The following RAF1 variants were observed in gnomAD, a reference collection of about 807,000 sequenced individuals.
RAF1 encodes the protein RAF proto-oncogene serine/threonine-protein kinase.
RAF1 carries 27 observed loss-of-function variants against 81.1 expected under a neutral mutation model. The observed-to-expected ratio is 0.33, with a 90% CI of 0.25 to 0.46. RAF1 has a LOEUF of 0.46. Ranked by LOEUF, RAF1 falls within the 20% of genes least tolerant of loss-of-function variation. The probability of loss-of-function intolerance (pLI) is 1.00; values close to 1 mark genes in which losing one functional copy is unlikely to be tolerated. For synonymous variants in RAF1, 298 were observed against 294.0 expected (o/e 1.01, Z -0.14); for missense variants, 598 against 826.0 (o/e 0.72, Z 3.38).
At position 12,584,243 on chromosome 3, in the gene RAF1, C is replaced by G. The variant is rs2058242125; in HGVS notation, c.*271G>C. The G allele has an allele frequency of 3.9e-6, 2 of 510,072 alleles. No homozygotes were observed. Among genetic ancestry groups the G allele is most frequent in the Non-Finnish European group, 7.1e-6 (2 of 279,828 alleles). The allele number at this position is 510,072 out of a possible 1,614,324, so 31.6% of individuals were successfully genotyped here. A position where few individuals can be genotyped will look rare whatever the true frequency, so the allele number is the denominator to read the frequency against. On this transcript the variant is annotated 3_prime_UTR_variant, in exon 18 of 18. Transcript: ENST00000442415. ...CTTTTTGTACTACCATCAACATCCA[C>G]TTGCGCATCTACAGAAGGCTGGGCC...
chr3:12,637,226 C>G (rs7636754), intron 1 of RAF1, among the ~76,000 whole-genome samples: 35,010 of 152,046 alleles, frequency 0.23, 4,598 homozygotes, highest in African/African-American at 0.36. Context: ...ACTAGGGTAT[C>G]GGGTTAACTT....
intron 6 of RAF1, 103 bp from the exon 7 acceptor site, chr3:12,604,392 T>C (rs1317519557): frequency 8.3e-7 from 1 of 1,197,846 alleles, no homozygotes; most frequent in South Asian, 1.3e-5. Flanking sequence ...GGGCAAACTC[T>C]ACCTGTACAA....
intron 13 of RAF1, chr3:12,589,754 GA>G (rs1463246627): frequency 6.6e-6 from 1 of 151,618 alleles, no homozygotes; most frequent in Non-Finnish European, 1.5e-5. Flanking sequence ...GACAGAGTGA[GA>G]ACCTGTGTCT....
At chr3:12,633,488 TAAA>T (rs11414306) in intron 1 of RAF1, among the ~76,000 whole-genome samples, 2 of 109,406 alleles carry the variant, frequency 1.8e-5, no homozygotes, top group African/African-American at 3.2e-5. Context: ...GTCTGGAAAT[TAAA>T]AAAAAAAAAA....
chr3:12,600,814 G>A (rs1043684310), intron 8 of RAF1, among the ~76,000 whole-genome samples: 8 of 152,254 alleles, frequency 5.3e-5, no homozygotes, highest in East Asian at 3.9e-4. Flanking sequence ...CTCTCGCCTC[G>A]GCCTCCCAAA....
rs2060968813 is a variant in RAF1, at chr3:12,663,948, C to G, written c.-162G>C. On this transcript the variant is annotated 5_prime_UTR_variant, in exon 1 of 18. Coordinates refer to ENST00000442415, the MANE Select transcript of RAF1 (RefSeq NM_001354689.3). ...CCAGCCCAGGGGACGGAGCCCCGAG[C>G]AGCCCCCGCATCGTAGCAAACGCGC... 2 of 398,318 alleles carry G rather than the reference C, an allele frequency of 5.0e-6. No homozygotes were observed. The highest frequency in any genetic ancestry group is 2.1e-5 in the African/African-American group (1 of 48,622). 24.7% of individuals were successfully genotyped at this position (398,318 alleles called of 1,614,324 possible).
chr3:12,631,540 A>G (rs1392662594), intron 1 of RAF1, among the ~76,000 whole-genome samples: 1 of 152,222 alleles, frequency 6.6e-6, no homozygotes, highest in African/African-American at 2.4e-5. Flanking sequence ...CGGAGCTTGC[A>G]GTGAGCCGAG....
chr3:12,663,867 G>A lies in RAF1; in HGVS notation c.-81C>T, dbSNP rs2060964791. ...GTCGTTCGGCGGCAGCTTCTCGCCC[G>A]CTCCTCCTCCCCGCGGCGGGTGAGG... On this transcript the variant is annotated 5_prime_UTR_variant, in exon 1 of 18. Transcript: ENST00000442415. The A allele has an allele frequency of 2.5e-6, 1 of 398,008 alleles. No homozygotes were observed. Among genetic ancestry groups the A allele is most frequent in the East Asian group, 3.6e-5 (1 of 28,020 alleles). The allele number at this position is 398,008 out of a possible 1,614,324, so 24.7% of individuals were successfully genotyped here.
intron 1 of RAF1, among the ~76,000 whole-genome samples, chr3:12,622,703 C>T (rs953161963): frequency 6.6e-6 from 1 of 152,194 alleles, no homozygotes; most frequent in African/African-American, 2.4e-5. Context: ...GGGCAGAACC[C>T]TGCCAATCTT....
At position 12,585,017 on chromosome 3, in the gene RAF1, G is replaced by A. The variant is rs3729931; in HGVS notation, c.1729-36C>T. The A allele has an allele frequency of 0.36, 577,662 of 1,613,362 alleles. 110,021 individuals are homozygous for A. Among genetic ancestry groups the A allele is most frequent in the African/African-American group, 0.61 (46,065 of 74,906 alleles). ...GAAAACAGCTGAGCTAATGGGGGGT[G>A]AATGAACAACAGATAATAACAAGTC... On this transcript the variant is annotated intron_variant, in intron 16 of 17. Coordinates refer to ENST00000442415, the MANE Select transcript of RAF1 (RefSeq NM_001354689.3).
At chr3:12,612,376 C>T (rs1299215071) in intron 2 of RAF1, among the ~76,000 whole-genome samples, 3 of 152,114 alleles carry the variant, frequency 2.0e-5, no homozygotes, top group Admixed American at 1.3e-4. Context: ...AGGCCAGGCA[C>T]GGTGGCTCAC....
intron 11 of RAF1, among the ~76,000 whole-genome samples, chr3:12,598,754 C>CAAAAA (rs1491128080): frequency 1.8e-5 from 2 of 111,226 alleles, no homozygotes; most frequent in Non-Finnish European, 3.7e-5. Context: ...AAAAAAAAAA[C>CAAAAA]CACCAAGTAC....
chr3:12,627,222 CCATA>C (rs1328944280), intron 1 of RAF1, among the ~76,000 whole-genome samples: 1 of 152,048 alleles, frequency 6.6e-6, no homozygotes, highest in Non-Finnish European at 1.5e-5. Flanking sequence ...GATATCTAAA[CCATA>C]CAAATTATTT....
At chr3:12,657,126 G>A (rs1340723419) in intron 1 of RAF1, among the ~76,000 whole-genome samples, 1 of 152,156 alleles carries the variant, frequency 6.6e-6, no homozygotes, top group South Asian at 2.1e-4. Flanking sequence ...ACCTACAGGG[G>A]CCTAAAAATA....
intron 1 of RAF1, among the ~76,000 whole-genome samples, chr3:12,627,867 C>T (rs1467039933): frequency 1.3e-5 from 2 of 152,232 alleles, no homozygotes; most frequent in African/African-American, 4.8e-5. Flanking sequence ...CGCCTGTAAT[C>T]CTAGCACTAT....
chr3:12,629,756 C>T (rs994704816), intron 1 of RAF1, among the ~76,000 whole-genome samples: 9 of 152,166 alleles, frequency 5.9e-5, no homozygotes, highest in African/African-American at 1.7e-4. Context: ...TTCCTCTACT[C>T]TGATAATCTG....
intron 1 of RAF1, among the ~76,000 whole-genome samples, chr3:12,621,735 T>C (rs1487332683): frequency 1.3e-5 from 2 of 152,252 alleles, no homozygotes; most frequent in African/African-American, 2.4e-5. Context: ...TACCTAACAA[T>C]AGGGAATTAA....
At chr3:12,600,938 C>CT (rs1312316834) in intron 8 of RAF1, among the ~76,000 whole-genome samples, 17 of 152,322 alleles carry the variant, frequency 1.1e-4, no homozygotes, top group East Asian at 9.7e-4. Context: ...CAAACATACT[C>CT]TTTCAAGGGA....
At chr3:12,600,056 G>A in intron 10 of RAF1, 96 bp downstream of exon 9, 8 of 1,555,000 alleles carry the variant, frequency 5.1e-6, no homozygotes, top group Non-Finnish European at 7.1e-6. Flanking sequence ...TATTTTATTA[G>A]AATCTTCTCC....
Sources: gnomAD v4.1 joint callset for allele counts (sites outside exome capture counted in the v4.1 genomes callset) on GRCh38, gnomAD v4.1.1 for gene constraint, MANE v1.5 for transcripts, NCBI Gene and HGNC (gene_info 2026-07-23, HGNC 2026-07-21) for gene names.